The following LINGO2 variants were observed in gnomAD, a reference collection of about 807,000 sequenced individuals.
LINGO2 encodes leucine rich repeat and Ig domain containing 2.
LINGO2 carries 14 observed loss-of-function variants against 30.6 expected under a neutral mutation model. That is an observed-to-expected ratio of 0.46 (90% CI 0.30 to 0.72). The LOEUF is 0.72. Among genes scored for constraint, LINGO2 ranks in the 30% least tolerant of loss-of-function variants. The pLI, the probability that LINGO2 is intolerant of heterozygous loss-of-function variation, is 0.07. For missense variants in LINGO2, 729 were observed against 751.7 expected (o/e 0.97, Z 0.35); for synonymous variants, 317 against 288.5 (o/e 1.10, Z -1.00).
At chr9:29,098,129 C>G in the LINGO2 span, among the ~76,000 whole-genome samples, 1 of 151,956 alleles carries the variant, frequency 6.6e-6, no homozygotes, top group Admixed American at 6.6e-5. Context: ...TTGCAGGGTA[C>G]AAAATTCCAT....
At chr9:28,198,383 T>C (rs1343520320) in intron 4 of LINGO2, among the ~76,000 whole-genome samples, 1 of 152,114 alleles carries the variant, frequency 6.6e-6, no homozygotes, top group African/African-American at 2.4e-5. Flanking sequence ...TCTGGATAAA[T>C]ATACTGTATA....
chr9:28,228,362 G>A (rs1386485655), intron 4 of LINGO2, among the ~76,000 whole-genome samples: 1 of 151,936 alleles, frequency 6.6e-6, no homozygotes, highest in African/African-American at 2.4e-5. Context: ...TTTCATCTTA[G>A]TTTTGCCCTG....
chr9:28,055,886 A>G (rs1824914420), intron 4 of LINGO2, among the ~76,000 whole-genome samples: 1 of 152,170 alleles, frequency 6.6e-6, no homozygotes. Context: ...GGCAAAAGTT[A>G]AATGTGGCTG....
the LINGO2 span, among the ~76,000 whole-genome samples, chr9:29,000,312 T>C: frequency 1.8e-4 from 27 of 152,064 alleles, no homozygotes; most frequent in African/African-American, 6.3e-4. Flanking sequence ...AAAGACTTAA[T>C]ATAAATTTAC....
chr9:28,679,494 C>T, the LINGO2 span, among the ~76,000 whole-genome samples: 2 of 152,120 alleles, frequency 1.3e-5, no homozygotes, highest in Admixed American at 1.3e-4. Flanking sequence ...ATTCCAGATA[C>T]CTAGAGTTCC....
At chr9:28,263,208 A>C (rs997278417) in intron 4 of LINGO2, among the ~76,000 whole-genome samples, 1 of 151,990 alleles carries the variant, frequency 6.6e-6, no homozygotes, top group Non-Finnish European at 1.5e-5. Flanking sequence ...AACAGGAAGG[A>C]GTCTCCTGCA....
intron 4 of LINGO2, among the ~76,000 whole-genome samples, chr9:28,182,753 G>T (rs1819399212): frequency 6.6e-6 from 1 of 152,138 alleles, no homozygotes; most frequent in Non-Finnish European, 1.5e-5. Flanking sequence ...AAACCAAAAT[G>T]AGATACCATT....
At chr9:28,399,606 G>T (rs1248961553) in intron 2 of LINGO2, among the ~76,000 whole-genome samples, 1 of 152,082 alleles carries the variant, frequency 6.6e-6, no homozygotes, top group Non-Finnish European at 1.5e-5. Flanking sequence ...AGTAATCCAA[G>T]AAATGCAAAT....
chr9:28,494,219 C>CT lies in LINGO2; in HGVS notation c.-364-18195dup, dbSNP rs201627955. 3.2e-4 allele frequency among the ~76,000 whole-genome samples: 49 copies of CT among 151,218 alleles called. No homozygotes were observed. In the East Asian group the frequency reaches 8.2e-3, roughly 25 times the overall value. On this transcript the variant is annotated intron_variant, in intron 1 of 5. Coordinates refer to ENST00000379992, the Ensembl canonical transcript of LINGO2. ...TTGTATCAACCTAATATTTAGGCTA[C>CT]TTTTTTTTTAAATCATACTTTAAGC... is the stretch of plus-strand genomic sequence containing the variant.
intron 4 of LINGO2, among the ~76,000 whole-genome samples, chr9:28,100,839 C>G (rs1330151252): frequency 1.3e-5 from 2 of 152,078 alleles, no homozygotes; most frequent in Non-Finnish European, 1.5e-5. Flanking sequence ...TGGGAATGAG[C>G]TTTGCGTACG....
chr9:28,107,018 C>T (rs1283379716), intron 4 of LINGO2, among the ~76,000 whole-genome samples: 1 of 152,156 alleles, frequency 6.6e-6, no homozygotes, highest in African/African-American at 2.4e-5. Context: ...ATGCACCTCT[C>T]CCCCATTCCT....
the LINGO2 span, among the ~76,000 whole-genome samples, chr9:28,928,187 G>A: frequency 2.0e-5 from 3 of 152,166 alleles, no homozygotes; most frequent in South Asian, 6.2e-4. Context: ...TGTTGCCTTA[G>A]AAAACTTTAC....
intron 1 of LINGO2, among the ~76,000 whole-genome samples, chr9:28,488,942 T>C (rs1826279751): frequency 6.6e-6 from 1 of 152,216 alleles, no homozygotes; most frequent in Non-Finnish European, 1.5e-5. Context: ...ATACCTTATA[T>C]TTTGTCCAGT....
chr9:29,201,307 T>C, the LINGO2 span, among the ~76,000 whole-genome samples: 2 of 152,064 alleles, frequency 1.3e-5, no homozygotes, highest in East Asian at 3.9e-4. Flanking sequence ...AGGCACAAAT[T>C]CCACAAATTT....
chr9:28,449,073 G>GTGTA (rs1491051537), intron 2 of LINGO2, among the ~76,000 whole-genome samples: 1 of 145,542 alleles, frequency 6.9e-6, no homozygotes, highest in African/African-American at 2.6e-5. Context: ...GTGTGTGTGT[G>GTGTA]TTGGGAAGGT....
intron 2 of LINGO2, among the ~76,000 whole-genome samples, chr9:28,424,358 G>T (rs1823320217): frequency 6.6e-6 from 1 of 152,118 alleles, no homozygotes; most frequent in Non-Finnish European, 1.5e-5. Context: ...GTCCAGGCTA[G>T]CCTGCTGGAG....
At chr9:28,345,516 C>A (rs954496433) in intron 3 of LINGO2, among the ~76,000 whole-genome samples, 1 of 152,130 alleles carries the variant, frequency 6.6e-6, no homozygotes, top group African/African-American at 2.4e-5. Flanking sequence ...TTAGTAATTG[C>A]AATTGAACTT....
At chr9:28,822,243 C>T in the LINGO2 span, among the ~76,000 whole-genome samples, 4 of 152,174 alleles carry the variant, frequency 2.6e-5, no homozygotes, top group East Asian at 1.9e-4. Context: ...GAATGGAGGC[C>T]GAATAAAAAG....
intron 4 of LINGO2, among the ~76,000 whole-genome samples, chr9:28,198,292 GTA>G (rs1156895822): frequency 6.6e-6 from 1 of 151,658 alleles, no homozygotes; most frequent in Non-Finnish European, 1.5e-5. Context: ...AGAATGCTGT[GTA>G]TACAGTTTTA....
Sources: allele counts gnomAD v4.1 joint callset (sites outside exome capture counted in the v4.1 genomes callset), GRCh38; gene constraint gnomAD v4.1.1; transcripts MANE v1.5; gene names NCBI Gene and HGNC (gene_info 2026-07-23, HGNC 2026-07-21).